Variants in NRG4 observed in about 807,000 individuals in gnomAD.
The protein encoded by NRG4 is neuregulin 4.
NRG4 carries 10 observed loss-of-function variants against 15.0 expected under a neutral mutation model. That is an observed-to-expected ratio of 0.67 (90% confidence interval 0.41 to 1.13). The LOEUF is 1.13. Among genes scored for constraint, NRG4 ranks in the 50% most tolerant of loss-of-function variants. The probability of loss-of-function intolerance (pLI) is 0.00; values close to 1 mark genes in which losing one functional copy is unlikely to be tolerated. For synonymous variants in NRG4, 41 were observed against 50.1 expected, an observed-to-expected ratio of 0.82 and a Z score of 0.77; for missense variants, 139 against 140.2, an observed-to-expected ratio of 0.99 and a Z score of 0.04.
chr15:76,018,858 G>A (rs970534233), intron 5 of NRG4, among the ~76,000 whole-genome samples: 1 of 152,166 alleles, frequency 6.6e-6, no homozygotes, highest in African/African-American at 2.4e-5. Context: ...CGGATGCTGT[G>A]CTTAGAGATC....
chr15:76,057,454 C>G (rs1282203001), intron 1 of NRG4, among the ~76,000 whole-genome samples: 1 of 152,180 alleles, frequency 6.6e-6, no homozygotes, highest in Non-Finnish European at 1.5e-5. Flanking sequence ...TCATCAGCCT[C>G]AAGGGCTAAT....
intron 3 of NRG4, among the ~76,000 whole-genome samples, chr15:76,007,815 T>C (rs2034662302): frequency 6.6e-6 from 1 of 152,218 alleles, no homozygotes; most frequent in African/African-American, 2.4e-5. Context: ...AGTATGAATA[T>C]ATTATAAAGT....
At chr15:76,020,933 T>C (rs890274216) in intron 5 of NRG4, among the ~76,000 whole-genome samples, 1 of 152,224 alleles carries the variant, frequency 6.6e-6, no homozygotes, top group Non-Finnish European at 1.5e-5. Flanking sequence ...AGAAAATCTA[T>C]CTAAGATCAT....
At chr15:76,019,411 T>G (rs1367756496) in intron 5 of NRG4, among the ~76,000 whole-genome samples, 1 of 152,270 alleles carries the variant, frequency 6.6e-6, no homozygotes, top group South Asian at 2.1e-4. Flanking sequence ...GCTCGGTGTC[T>G]GCCCAAACAG....
intron 4 of NRG4, among the ~76,000 whole-genome samples, chr15:76,046,957 G>A (rs1159047344): frequency 3.3e-5 from 5 of 150,634 alleles, no homozygotes; most frequent in Non-Finnish European, 5.9e-5. Flanking sequence ...CAACTCAATA[G>A]CAAAAAAATA....
At chr15:75,978,612 A>G (rs2033468421) in intron 3 of NRG4, among the ~76,000 whole-genome samples, 1 of 152,042 alleles carries the variant, frequency 6.6e-6, no homozygotes, top group South Asian at 2.1e-4. Flanking sequence ...GTTTAGAGGA[A>G]CCTCCATACT....
chr15:76,056,438 AC>A (rs1359180369), intron 2 of NRG4, among the ~76,000 whole-genome samples: 1 of 152,166 alleles, frequency 6.6e-6, no homozygotes, highest in Admixed American at 6.5e-5. Flanking sequence ...AGCCTGGACA[AC>A]AAGAGCGAAA....
At chr15:75,989,855 A>G (rs990627170) in intron 3 of NRG4, among the ~76,000 whole-genome samples, 2 of 152,078 alleles carry the variant, frequency 1.3e-5, no homozygotes, top group African/African-American at 4.8e-5. Context: ...TTTGAGTGCT[A>G]GATTTTGTTG....
intron 5 of NRG4, among the ~76,000 whole-genome samples, chr15:75,954,855 G>C (rs2032140905): frequency 1.3e-5 from 2 of 151,934 alleles, no homozygotes; most frequent in African/African-American, 4.8e-5. Flanking sequence ...GTTGAGCTTT[G>C]ATCTAGGATG....
intron 5 of NRG4, among the ~76,000 whole-genome samples, chr15:76,035,571 T>TG (rs1193675675): frequency 6.6e-6 from 1 of 150,512 alleles, no homozygotes; most frequent in African/African-American, 2.5e-5. Flanking sequence ...GTAACAGAAG[T>TG]GAAAAAAAAA....
At position 75,977,540 on chromosome 15, in the gene NRG4, C is replaced by T. The variant is rs207475603; in HGVS notation, c.105-15566G>A. Among the ~76,000 whole-genome samples, 1 of 152,166 alleles carries T rather than the reference C, an allele frequency of 6.6e-6. No individual in the cohort carries two copies. The highest frequency in any genetic ancestry group is 1.5e-5 in the Non-Finnish European group (1 of 68,030). On this transcript the variant is annotated intron_variant, in intron 3 of 5. Transcript: ENST00000394907. This position sits in a 1 kb window ranked among gnomAD's most constrained non-coding sequence, Gnocchi z 4.9. ...CCAGAATGCACCATTCCTCACAGTC[C>T]CTTGGCACTTCCCTTGGCTAGGGGA...
intron 4 of NRG4, among the ~76,000 whole-genome samples, chr15:76,049,236 G>A (rs1332378560): frequency 6.6e-6 from 1 of 150,708 alleles, no homozygotes; most frequent in East Asian, 1.9e-4. Flanking sequence ...ATTTTCCTGA[G>A]TATATTTCCT....
intron 4 of NRG4, among the ~76,000 whole-genome samples, chr15:76,041,057 AGTTT>A (rs2035724195): frequency 6.6e-6 from 1 of 152,252 alleles, no homozygotes. Flanking sequence ...TTTGCTTGTT[AGTTT>A]GTCTATGCAA....
chr15:75,953,165 G>T (rs2032015142), intron 5 of NRG4, among the ~76,000 whole-genome samples: 1 of 152,068 alleles, frequency 6.6e-6, no homozygotes, highest in Non-Finnish European at 1.5e-5. Flanking sequence ...CTTATATTTA[G>T]ATCTTTGATC....
chr15:75,941,960 A>AAAAAAAAAAAAAAAAAAAAAAC lies in NRG4; in HGVS notation c.*1677_*1678insGTTTTTTTTTTTTTTTTTTTTT, dbSNP rs142812746. The AAAAAAAAAAAAAAAAAAAAAAC allele has an allele frequency of 1.1e-5, 1 of 93,766 alleles. No individual in the cohort carries two copies. The highest frequency in any genetic ancestry group is 2.0e-5 in the Non-Finnish European group (1 of 51,270). 5.8% of individuals were successfully genotyped at this position (93,766 alleles called of 1,614,324 possible). Reference sequence around the variant, plus strand: ...ACCACCAAAAAAAAAAAAAAAAAAAAATATGGCCTAGCTTTTTTTTTTTTT... The same window carrying AAAAAAAAAAAAAAAAAAAAAAC: ...ACCACCAAAAAAAAAAAAAAAAAAAAAAAAAAAAAAAAAAAAAAAAACATATGGCCTAGCTTTTTTTTTTTTT... On this transcript the variant is annotated 3_prime_UTR_variant, in exon 6 of 6. Transcript: ENST00000394907.
intron 5 of NRG4, 52 bp from the exon 6 acceptor site, chr15:75,943,706 A>G (rs1291102310): frequency 8.6e-7 from 1 of 1,159,006 alleles, no homozygotes; most frequent in African/African-American, 1.5e-5. Flanking sequence ...AATGTTTCTT[A>G]CTACGCACAC....
At chr15:76,059,463 C>G (rs1014430275) in intron 1 of NRG4, among the ~76,000 whole-genome samples, 2 of 152,208 alleles carry the variant, frequency 1.3e-5, no homozygotes, top group African/African-American at 4.8e-5. Flanking sequence ...TGCGCCAAAG[C>G]GACGGGAGGT....
chr15:76,003,217 C>A (rs1037297023), intron 3 of NRG4, among the ~76,000 whole-genome samples: 1 of 151,980 alleles, frequency 6.6e-6, no homozygotes, highest in African/African-American at 2.4e-5. Flanking sequence ...ATAGAATTAA[C>A]AGATCAAAGA....
At chr15:75,998,439 A>G (rs1057463196) in intron 3 of NRG4, among the ~76,000 whole-genome samples, 3 of 152,168 alleles carry the variant, frequency 2.0e-5, no homozygotes, top group Non-Finnish European at 2.9e-5. Flanking sequence ...TGGGGGAGAA[A>G]GCATTCAACA....
Sources: allele counts gnomAD v4.1 joint callset (sites outside exome capture counted in the v4.1 genomes callset), GRCh38; gene constraint gnomAD v4.1.1; non-coding constraint Gnocchi (gnomAD v3.1); transcripts MANE v1.5; gene names NCBI Gene and HGNC (gene_info 2026-07-23, HGNC 2026-07-21).